Variants in P2RY6 observed in about 807,000 individuals in gnomAD.
P2RY6 encodes the protein pyrimidinergic receptor P2Y6.
Under a neutral mutation model 16.3 loss-of-function variants are expected in P2RY6, and 19 were observed. The ratio of observed to expected loss-of-function variants is 1.16; its 90% CI spans 0.81 to 1.71. The LOEUF (loss-of-function observed/expected upper bound fraction) is 1.71. P2RY6 is among the 40% of genes most tolerant of loss of function. P2RY6 has a pLI of 0.00. For missense variants in P2RY6, 389 were observed against 455.5 expected, an observed-to-expected ratio of 0.85 and a Z score of 1.33; for synonymous variants, 184 against 201.5, an observed-to-expected ratio of 0.91 and a Z score of 0.74.
In P2RY6 at chr11:73,296,076, G is replaced by A. The variant is rs566038949; in HGVS notation, c.-35+261G>A. Among the ~76,000 whole-genome samples, 10 of 152,036 alleles carry A rather than the reference G, an allele frequency of 6.6e-5. No individual in the cohort carries two copies. In the East Asian group the frequency reaches 1.4e-3, roughly 21 times the overall value. ...TGCCGCATTCCCCCTTTTCTCGGGT[G>A]AAATGAAATCACCACCTCAAGGTCA... On this transcript the variant is annotated intron_variant, in intron 2 of 2. Transcript: ENST00000540124.
At chr11:73,281,465 C>T (rs1284904158) in intron 1 of P2RY6, among the ~76,000 whole-genome samples, 2 of 152,242 alleles carry the variant, frequency 1.3e-5, no homozygotes, top group Non-Finnish European at 2.9e-5. Flanking sequence ...CCCACATTCA[C>T]AGTGATCTGG....
chr11:73,292,478 C>T (rs1864297480), intron 1 of P2RY6, among the ~76,000 whole-genome samples: 1 of 152,170 alleles, frequency 6.6e-6, no homozygotes. Flanking sequence ...AAGGAGGAGC[C>T]ATGAGCTCTC....
At chr11:73,293,254 G>A (rs535372440) in intron 1 of P2RY6, among the ~76,000 whole-genome samples, 5 of 152,324 alleles carry the variant, frequency 3.3e-5, no homozygotes, top group African/African-American at 1.2e-4. Flanking sequence ...GGCTGTGTGG[G>A]AGTCTCCATG....
In P2RY6 at chr11:73,296,804, G is replaced by C; in HGVS notation, c.286G>C (p.Asp96His). The C allele has an allele frequency of 1.2e-6, 2 of 1,610,770 alleles. No homozygotes were observed. The highest frequency in any genetic ancestry group is 2.2e-5 in the South Asian group (2 of 91,090). Reference protein sequence around the residue: ...YAQGDHWPFGDFACRLVRFLF... With the variant: ...YAQGDHWPFGHFACRLVRFLF... ...CCAAGGTGATCACTGGCCCTTTGGC[G>C]ACTTCGCCTGCCGCCTGGTCCGCTT... Residue 96 changes from aspartate to histidine, a missense_variant, in exon 3 of 3, where the codon GAC becomes CAC. Transcript: ENST00000540124.
chr11:73,281,766 C>T (rs1863773532), intron 1 of P2RY6, among the ~76,000 whole-genome samples: 1 of 152,234 alleles, frequency 6.6e-6, no homozygotes, highest in South Asian at 2.1e-4. Flanking sequence ...AATGTCTCTC[C>T]TCTCTTGGCC....
At position 73,296,573 on chromosome 11, in the gene P2RY6, G is replaced by A. The variant is rs765765484; in HGVS notation, c.55G>A (p.Val19Ile). 1.9e-6 allele frequency: 3 copies of A among 1,614,230 alleles called. No homozygotes were observed. Among genetic ancestry groups the A allele is most frequent in the Admixed American group, 1.7e-5 (1 of 60,028 alleles). ...QALGLPPTTC[V>I]YRENFKQLLL... ...TCTGGGCTTGCCACCCACCACCTGTGTCTACCGCGAGAACTTCAAGCAACT... is the reference window on the plus strand; with the variant it reads ...TCTGGGCTTGCCACCCACCACCTGTATCTACCGCGAGAACTTCAAGCAACT... The change falls in exon 3 of 3, where the codon GTC becomes ATC. Residue 19 changes from valine to isoleucine, a missense_variant. Coordinates refer to ENST00000540124, the MANE Select transcript of P2RY6 (RefSeq NM_001277204.2).
intron 1 of P2RY6, among the ~76,000 whole-genome samples, chr11:73,291,778 C>T (rs1864259197): frequency 6.6e-6 from 1 of 151,866 alleles, no homozygotes; most frequent in African/African-American, 2.4e-5. Flanking sequence ...ACTTCATCCT[C>T]CCAGCACACT....
At chr11:73,286,932 G>A (rs919829292) in intron 1 of P2RY6, among the ~76,000 whole-genome samples, 1 of 152,190 alleles carries the variant, frequency 6.6e-6, no homozygotes, top group Admixed American at 6.5e-5. Flanking sequence ...TTCTCGTAGG[G>A]AAATGTCACC....
chr11:73,265,960 T>C (rs1173075003), intron 1 of P2RY6, among the ~76,000 whole-genome samples: 1 of 152,216 alleles, frequency 6.6e-6, no homozygotes, highest in East Asian at 1.9e-4. Flanking sequence ...TAGGACTGAC[T>C]GAGTGCCTGG....
At position 73,265,156 on chromosome 11, in the gene P2RY6, G is replaced by A. The variant is rs570794864; in HGVS notation, c.-281+507G>A. 161 of 153,148 alleles carry A rather than the reference G, an allele frequency of 1.1e-3. 2 individuals are homozygous for A. Among genetic ancestry groups the A allele is most frequent in the African/African-American group, 3.6e-3 (150 of 41,572 alleles). 9.5% of individuals were successfully genotyped at this position (153,148 alleles called of 1,614,324 possible). ...GGTGTGCTGAGCTGGGTGATGGAAG[G>A]TGGGGCACATTTGTGCAGGGGTGAC... On this transcript the variant is annotated intron_variant, in intron 1 of 3. Coordinates refer to the P2RY6 transcript ENST00000349767.
intron 2 of P2RY6, among the ~76,000 whole-genome samples, chr11:73,296,233 A>AAAAATATAT (rs57187973): frequency 1.0e-4 from 13 of 124,492 alleles, no homozygotes; most frequent in African/African-American, 4.6e-4. Context: ...GAAAAAAAAA[A>AAAAATATAT]ATATATATAT....
intron 1 of P2RY6, among the ~76,000 whole-genome samples, chr11:73,293,317 G>T (rs375433386): frequency 1.3e-5 from 2 of 152,182 alleles, no homozygotes; most frequent in Admixed American, 1.3e-4. Context: ...TGGCCCTGGC[G>T]TACTTCAGAT....
chr11:73,289,622 G>C (rs1046130192), intron 1 of P2RY6, among the ~76,000 whole-genome samples: 1 of 152,264 alleles, frequency 6.6e-6, no homozygotes, highest in East Asian at 1.9e-4. Context: ...GCTGTGTGAC[G>C]GAACGGGGCT....
upstream of P2RY6, among the ~76,000 whole-genome samples, chr11:73,267,396 C>T (rs998562987): frequency 6.6e-6 from 1 of 152,160 alleles, no homozygotes; most frequent in African/African-American, 2.4e-5. Flanking sequence ...TACCTCACAG[C>T]TCTCAGGGGA....
chr11:73,283,993 A>ACACAC (rs1422741562), intron 1 of P2RY6, among the ~76,000 whole-genome samples: 5 of 152,180 alleles, frequency 3.3e-5, no homozygotes, highest in Admixed American at 1.3e-4. Context: ...GAAGGTGCAG[A>ACACAC]CACACGGGTT....
intron 1 of P2RY6, among the ~76,000 whole-genome samples, chr11:73,278,118 A>G (rs1863615468): frequency 6.6e-6 from 1 of 152,144 alleles, no homozygotes; most frequent in African/African-American, 2.4e-5. Flanking sequence ...TGCAGCCATC[A>G]CATCACCACC....
At chr11:73,277,379 G>T (rs1050195340) in intron 1 of P2RY6, among the ~76,000 whole-genome samples, 3 of 152,062 alleles carry the variant, frequency 2.0e-5, no homozygotes, top group South Asian at 2.1e-4. Flanking sequence ...TGAGCTACTG[G>T]GCCCAGCTAG....
chr11:73,271,319 C>T (rs925063582), upstream of P2RY6, among the ~76,000 whole-genome samples: 1 of 152,184 alleles, frequency 6.6e-6, no homozygotes, highest in African/African-American at 2.4e-5. Context: ...GGACGAGCCG[C>T]GGACAAAACC....
At chr11:73,285,103 C>T (rs1056548471) in intron 1 of P2RY6, among the ~76,000 whole-genome samples, 3 of 152,218 alleles carry the variant, frequency 2.0e-5, no homozygotes, top group African/African-American at 4.8e-5. Flanking sequence ...CAGGGTCTCG[C>T]TCTGTAGCCA....
Sources: allele counts gnomAD v4.1 joint callset (sites outside exome capture counted in the v4.1 genomes callset), GRCh38; gene constraint gnomAD v4.1.1; transcripts MANE v1.5; gene names NCBI Gene and HGNC (gene_info 2026-07-23, HGNC 2026-07-21).